Variants in FBXL4 observed in about 807,000 individuals in gnomAD.
FBXL4 encodes F-box and leucine rich repeat protein 4, also known as F-box/LRR-repeat protein 4.
A neutral mutation model predicts 58.9 loss-of-function variants in FBXL4; 40 were observed. That is an observed-to-expected ratio of 0.68 (90% confidence interval 0.53 to 0.88). FBXL4 has a LOEUF of 0.88. FBXL4 is among the 40% of genes least tolerant of loss of function. The probability of loss-of-function intolerance (pLI) is 0.00; values close to 1 mark genes in which losing one functional copy is unlikely to be tolerated. For missense variants in FBXL4, 676 were observed against 734.4 expected, an observed-to-expected ratio of 0.92 and a Z score of 0.92; for synonymous variants, 263 against 265.5, an observed-to-expected ratio of 0.99 and a Z score of 0.09.
intron 6 of FBXL4, among the ~76,000 whole-genome samples, chr6:98,902,766 G>A (rs1771661787): frequency 6.6e-6 from 1 of 152,028 alleles, no homozygotes; most frequent in African/African-American, 2.4e-5. Context: ...AAACAGGCAG[G>A]CAGGGAAAGG....
In FBXL4 at chr6:98,875,700, T is replaced by G; in HGVS notation, c.1417A>C (p.Met473Leu). The change falls in exon 9 of 10, where the codon ATG becomes CTG. Residue 473 changes from methionine (M) to leucine (L), a missense_variant. By Grantham distance (15) the Met-to-Leu change is conservative. Transcript: ENST00000369244. ...AGTTTTTTACACTTGGCTCCTATCA[T>G]GCTAGCTATCACATCATAGTCTTCA... is the stretch of plus-strand genomic sequence containing the variant. ...MIEDYDVIAS[M>L]IGAKCKKLRT... The G allele has an allele frequency of 1.2e-6, 2 of 1,613,846 alleles. No homozygotes were observed. Among genetic ancestry groups the G allele is most frequent in the Non-Finnish European group, 8.5e-7 (1 of 1,179,988 alleles).
chr6:98,927,086 G>T, intron 3 of FBXL4, 26 bp from the exon 4 acceptor site: 1 of 1,218,652 alleles, frequency 8.2e-7, no homozygotes, highest in Non-Finnish European at 1.1e-6. Context: ...GCTTGGTGAA[G>T]TAAAATAATT....
chr6:98,888,983 G>A (rs1771130582), intron 7 of FBXL4, among the ~76,000 whole-genome samples: 1 of 152,136 alleles, frequency 6.6e-6, no homozygotes, highest in Non-Finnish European at 1.5e-5. Context: ...AGAAGCATAC[G>A]CTTCTTAACC....
At chr6:98,938,974 G>C (rs1278544307) in intron 1 of FBXL4, among the ~76,000 whole-genome samples, 1 of 148,478 alleles carries the variant, frequency 6.7e-6, no homozygotes, top group East Asian at 2.1e-4. Context: ...TGTAATCCTA[G>C]CTATTTGGGA....
chr6:98,880,522 T>G, intron 8 of FBXL4, 31 bp downstream of exon 8: 1 of 1,571,906 alleles, frequency 6.4e-7, no homozygotes, highest in Non-Finnish European at 8.8e-7. Context: ...AACAAGTAAT[T>G]GAGTAGTATA....
intron 5 of FBXL4, among the ~76,000 whole-genome samples, chr6:98,914,283 A>G (rs1772232509): frequency 6.6e-6 from 1 of 152,234 alleles, no homozygotes; most frequent in Non-Finnish European, 1.5e-5. Context: ...TCCAATCAAT[A>G]GAAAAAGAGG....
intron 5 of FBXL4, among the ~76,000 whole-genome samples, chr6:98,915,007 C>T (rs1772278294): frequency 6.6e-6 from 1 of 152,206 alleles, no homozygotes; most frequent in African/African-American, 2.4e-5. Flanking sequence ...AAATCACAAG[C>T]ATTCTTATAC....
intron 1 of FBXL4, among the ~76,000 whole-genome samples, chr6:98,941,018 T>C (rs969910509): frequency 6.6e-6 from 1 of 152,200 alleles, no homozygotes. Flanking sequence ...CACGGTTTAT[T>C]ATAAAGGTCC....
At chr6:98,928,349 A>T (rs1456502371) in intron 2 of FBXL4, among the ~76,000 whole-genome samples, 1 of 149,994 alleles carries the variant, frequency 6.7e-6, no homozygotes, top group African/African-American at 2.5e-5. Flanking sequence ...TTTTTTCGAG[A>T]CAGGGTGTCT....
intron 7 of FBXL4, among the ~76,000 whole-genome samples, chr6:98,895,165 C>T (rs145091889): frequency 1.3e-5 from 2 of 152,214 alleles, no homozygotes; most frequent in East Asian, 3.9e-4. Flanking sequence ...TGAGAGTAGG[C>T]CTATATAAAC....
At chr6:98,906,417 C>T (rs1228958267) in intron 5 of FBXL4, among the ~76,000 whole-genome samples, 1 of 151,526 alleles carries the variant, frequency 6.6e-6, no homozygotes, top group Non-Finnish European at 1.5e-5. Flanking sequence ...TGAGAACATG[C>T]GGTGCTTGGT....
intron 6 of FBXL4, among the ~76,000 whole-genome samples, chr6:98,900,006 T>C (rs1461625976): frequency 6.6e-6 from 1 of 152,172 alleles, no homozygotes; most frequent in African/African-American, 2.4e-5. Flanking sequence ...ACAGCACTGT[T>C]ATGGTACTTG....
At chr6:98,914,647 T>C (rs1330740101) in intron 5 of FBXL4, among the ~76,000 whole-genome samples, 1 of 152,134 alleles carries the variant, frequency 6.6e-6, no homozygotes, top group East Asian at 1.9e-4. Flanking sequence ...CTCAATAAAT[T>C]AGGTATTGAT....
At chr6:98,874,913 T>C (rs1168999558) in intron 9 of FBXL4, among the ~76,000 whole-genome samples, 1 of 152,212 alleles carries the variant, frequency 6.6e-6, no homozygotes, top group South Asian at 2.1e-4. Context: ...TTCTGATGAA[T>C]GCAGCAAGGA....
intron 5 of FBXL4, among the ~76,000 whole-genome samples, chr6:98,913,920 A>T (rs1363017628): frequency 2.1e-5 from 3 of 146,330 alleles, no homozygotes; most frequent in Non-Finnish European, 4.5e-5. Flanking sequence ...AAACCGCTAC[A>T]AGACTAATAA....
chr6:98,879,811 T>C (rs1770783808), intron 8 of FBXL4, among the ~76,000 whole-genome samples: 1 of 151,790 alleles, frequency 6.6e-6, no homozygotes, highest in South Asian at 2.1e-4. Context: ...GGCATAGTGG[T>C]ACATCCCTGT....
chr6:98,908,464 A>G (rs1447068306), intron 5 of FBXL4, among the ~76,000 whole-genome samples: 1 of 152,182 alleles, frequency 6.6e-6, no homozygotes, highest in Non-Finnish European at 1.5e-5. Context: ...TAATACTGCA[A>G]TATCATTGTG....
chr6:98,947,622 G>A (rs1326189279), intron 1 of FBXL4, among the ~76,000 whole-genome samples, 184 bp downstream of exon 1: 1 of 152,208 alleles, frequency 6.6e-6, no homozygotes, highest in Non-Finnish European at 1.5e-5. Flanking sequence ...AGCCCCGCAA[G>A]CGTGAAGCGG....
At chr6:98,912,147 A>G (rs1488210046) in intron 5 of FBXL4, among the ~76,000 whole-genome samples, 4 of 152,220 alleles carry the variant, frequency 2.6e-5, no homozygotes, top group Non-Finnish European at 4.4e-5. Flanking sequence ...AAAGAAACGG[A>G]CAAAGCCTCC....
Sources: gnomAD v4.1 joint callset for allele counts (sites outside exome capture counted in the v4.1 genomes callset) on GRCh38, gnomAD v4.1.1 for gene constraint, MANE v1.5 for transcripts, NCBI Gene and HGNC (gene_info 2026-07-23, HGNC 2026-07-21) for gene names.